PRKCA: variants seen among roughly 807,000 people sequenced by gnomAD.
PRKCA encodes the protein protein kinase C alpha, also known as protein kinase C alpha type.
PRKCA carries 27 observed loss-of-function variants against 87.0 expected under a neutral mutation model. The ratio of observed to expected loss-of-function variants is 0.31; its 90% CI spans 0.23 to 0.43. The LOEUF is 0.43. Among genes scored for constraint, PRKCA ranks in the 20% least tolerant of loss-of-function variants. PRKCA has a pLI of 1.00. For missense variants in PRKCA, 518 were observed against 852.3 expected, an observed-to-expected ratio of 0.61 and a Z score of 4.88; for synonymous variants, 329 against 311.1, an observed-to-expected ratio of 1.06 and a Z score of -0.61.
intron 2 of PRKCA, among the ~76,000 whole-genome samples, chr17:66,341,153 G>T (rs1401790100): frequency 6.6e-6 from 1 of 152,100 alleles, no homozygotes; most frequent in East Asian, 1.9e-4. Flanking sequence ...TCTGATGGTC[G>T]CAGACTTCCG....
chr17:66,447,877 T>C (rs228883), intron 2 of PRKCA, among the ~76,000 whole-genome samples: 102,831 of 152,052 alleles, frequency 0.68, 34,889 homozygotes, highest in Middle Eastern at 0.79. Flanking sequence ...AGACCAAACT[T>C]GGGTACCCTG....
intron 2 of PRKCA, among the ~76,000 whole-genome samples, chr17:66,429,272 A>G (rs1912977399): frequency 6.6e-6 from 1 of 152,178 alleles, no homozygotes; most frequent in Admixed American, 6.5e-5. Context: ...CATAGTAGAA[A>G]CATCTTCCAA....
chr17:66,634,712 C>T, intron 3 of PRKCA, among the ~76,000 whole-genome samples: 1 of 152,212 alleles, frequency 6.6e-6, no homozygotes, highest in East Asian at 1.9e-4. Context: ...CTTCTGCATT[C>T]AGGTAGTTTT....
chr17:66,426,184 A>C (rs1267675722), intron 2 of PRKCA, among the ~76,000 whole-genome samples: 2 of 152,156 alleles, frequency 1.3e-5, no homozygotes, highest in Non-Finnish European at 2.9e-5. Flanking sequence ...GTGAACATGA[A>C]CCAGGATATT....
intron 4 of PRKCA, among the ~76,000 whole-genome samples, chr17:66,641,681 C>T (rs1163734550): frequency 1.3e-5 from 2 of 151,762 alleles, no homozygotes; most frequent in African/African-American, 4.8e-5. Context: ...CCCCAAAAAG[C>T]ACTCGATTTA....
intron 2 of PRKCA, among the ~76,000 whole-genome samples, chr17:66,477,811 G>A (rs1271156709): frequency 1.3e-5 from 2 of 152,154 alleles, no homozygotes; most frequent in Non-Finnish European, 2.9e-5. Flanking sequence ...GTAACCATCG[G>A]CACAGTCCTT....
At chr17:66,428,975 A>G (rs1318043165) in intron 2 of PRKCA, among the ~76,000 whole-genome samples, 1 of 152,232 alleles carries the variant, frequency 6.6e-6, no homozygotes, top group Non-Finnish European at 1.5e-5. Flanking sequence ...AGTATTAGGT[A>G]AAGTTTGAGA....
At chr17:66,539,579 T>A (rs1567885447) in intron 3 of PRKCA, among the ~76,000 whole-genome samples, 1 of 152,080 alleles carries the variant, frequency 6.6e-6, no homozygotes, top group Non-Finnish European at 1.5e-5. Context: ...AATTTTTTTT[T>A]ATTTTTAGTA....
At chr17:66,371,097 A>G (rs1198899387) in intron 2 of PRKCA, among the ~76,000 whole-genome samples, 1 of 152,228 alleles carries the variant, frequency 6.6e-6, no homozygotes, top group Non-Finnish European at 1.5e-5. Context: ...ATAAGATATG[A>G]TGTATGTATT....
At chr17:66,511,683 CTT>C (rs11384474) in intron 3 of PRKCA, among the ~76,000 whole-genome samples, 9 of 141,666 alleles carry the variant, frequency 6.4e-5, no homozygotes, top group Admixed American at 7.1e-5. Context: ...ATATAGTGAA[CTT>C]TTTTTTTTTT....
At chr17:66,590,307 C>T (rs1969761095) in intron 3 of PRKCA, among the ~76,000 whole-genome samples, 1 of 152,176 alleles carries the variant, frequency 6.6e-6, no homozygotes, top group South Asian at 2.1e-4. Context: ...ACTAAAAGCA[C>T]AGCCCTTGCT....
intron 3 of PRKCA, among the ~76,000 whole-genome samples, chr17:66,512,270 C>T (rs547898364): frequency 4.6e-5 from 7 of 152,058 alleles, no homozygotes; most frequent in African/African-American, 7.2e-5. Flanking sequence ...GGTGAAACCC[C>T]GTCTCTACTA....
intron 13 of PRKCA, among the ~76,000 whole-genome samples, chr17:66,744,649 G>A (rs374152628): frequency 3.9e-5 from 6 of 152,032 alleles, no homozygotes; most frequent in Non-Finnish European, 7.4e-5. Flanking sequence ...TTGTTGTTGC[G>A]GTTCGGTATC....
intron 14 of PRKCA, among the ~76,000 whole-genome samples, chr17:66,784,556 G>C (rs748236678): frequency 6.6e-6 from 1 of 152,168 alleles, no homozygotes; most frequent in Non-Finnish European, 1.5e-5. Context: ...TACTACATTT[G>C]TTTTAGTTAT....
chr17:66,594,529 G>A (rs559517347), intron 3 of PRKCA, among the ~76,000 whole-genome samples: 2 of 152,252 alleles, frequency 1.3e-5, no homozygotes, highest in African/African-American at 4.8e-5. Context: ...AGGCACTCTA[G>A]GAAAGATACA....
At chr17:66,466,037 G>A (rs1054323496) in intron 2 of PRKCA, among the ~76,000 whole-genome samples, 2 of 152,056 alleles carry the variant, frequency 1.3e-5, no homozygotes, top group African/African-American at 4.8e-5. Flanking sequence ...ATCATTCTTA[G>A]TTCCATTATA....
intron 9 of PRKCA, 52 bp downstream of exon 9, chr17:66,732,877 A>G (rs779301539): frequency 6.3e-6 from 10 of 1,588,012 alleles, no homozygotes; most frequent in Non-Finnish European, 8.6e-6. Context: ...AGAATGTCGA[A>G]TCAGTTTTGT....
At chr17:66,577,956 G>A (rs979945625) in intron 3 of PRKCA, among the ~76,000 whole-genome samples, 2 of 151,834 alleles carry the variant, frequency 1.3e-5, no homozygotes, top group Admixed American at 1.3e-4. Flanking sequence ...CTCAGAAGCT[G>A]CCGCACACCT....
At chr17:66,344,048 G>A (rs969833059) in intron 2 of PRKCA, among the ~76,000 whole-genome samples, 2 of 152,098 alleles carry the variant, frequency 1.3e-5, no homozygotes, top group African/African-American at 2.4e-5. Flanking sequence ...AGGCTTTCCA[G>A]GGGGGCCTTG....
Sources: gnomAD v4.1 joint callset for allele counts (sites outside exome capture counted in the v4.1 genomes callset) on GRCh38, gnomAD v4.1.1 for gene constraint, MANE v1.5 for transcripts, NCBI Gene and HGNC (gene_info 2026-07-23, HGNC 2026-07-21) for gene names.